Variants in ZNF763 observed in about 807,000 individuals in gnomAD.
The protein encoded by ZNF763 is zinc finger protein 763.
Under a neutral mutation model 38.0 loss-of-function variants are expected in ZNF763, and 33 were observed. The ratio of observed to expected loss-of-function variants is 0.87; its 90% CI spans 0.66 to 1.16. The LOEUF (loss-of-function observed/expected upper bound fraction) is 1.16. ZNF763 is among the 50% of genes most tolerant of loss of function. The pLI is 0.00. For missense variants in ZNF763, 423 were observed against 469.1 expected, an observed-to-expected ratio of 0.90 and a Z score of 0.91; for synonymous variants, 155 against 160.1, an observed-to-expected ratio of 0.97 and a Z score of 0.24.
intron 1 of ZNF763, among the ~76,000 whole-genome samples, chr19:11,973,167 G>A (rs564903909): frequency 3.9e-5 from 6 of 152,084 alleles, no homozygotes; most frequent in Middle Eastern, 3.4e-3. Context: ...AAAATCCCCT[G>A]TGCTCCTCCT....
At chr19:11,966,915 GA>G (rs1973242820) in intron 1 of ZNF763, among the ~76,000 whole-genome samples, 1 of 152,106 alleles carries the variant, frequency 6.6e-6, no homozygotes, top group Non-Finnish European at 1.5e-5. Flanking sequence ...TCCAAAATTG[GA>G]AGTTAAGTTC....
intron 1 of ZNF763, among the ~76,000 whole-genome samples, chr19:11,975,194 G>A (rs1435628125): frequency 2.0e-5 from 3 of 151,728 alleles, no homozygotes; most frequent in Non-Finnish European, 4.4e-5. Flanking sequence ...CGCCTCCCGG[G>A]TTCAAGCGAT....
Position 11,965,226 on chromosome 19 carries a change from C to T in ZNF763, c.3+15C>T, listed in dbSNP as rs371029725. 3 of 1,613,900 alleles carry T rather than the reference C, an allele frequency of 1.9e-6. No individual in the cohort carries two copies. In the African/African-American group the frequency reaches 4.0e-5, roughly 22 times the overall value. ...GCCAGGAAATGGTGCGTGTGCATAG[C>T]CGGTTGTCCCGAGACGGGGTAGAGG... is the stretch of plus-strand genomic sequence containing the variant. On this transcript the variant is annotated intron_variant, in intron 1 of 3. Transcript: ENST00000358987.
At position 11,976,555 on chromosome 19, in the gene ZNF763, CAA is replaced by C. The variant is rs1197877281; in HGVS notation, c.4-460_4-459del. On this transcript the variant is annotated intron_variant, in intron 1 of 3. Transcript: ENST00000358987. The stretch of plus-strand genomic sequence containing the variant: ...TGGGCAGCAGAACAAGACTCTGTCT[CAA>C]AAAAAAAAAAAAAAAAAAAAAATTG... Among the ~76,000 whole-genome samples the C allele has an allele frequency of 9.2e-3, 682 of 73,798 alleles. 4 individuals are homozygous for C. Among genetic ancestry groups the C allele is most frequent in the African/African-American group, 0.032 (656 of 20,260 alleles). 48.4% of individuals were successfully genotyped at this position (73,798 alleles called of 152,430 possible). A position where few individuals can be genotyped will look rare whatever the true frequency, so the allele number is the denominator to read the frequency against.
intron 1 of ZNF763, among the ~76,000 whole-genome samples, chr19:11,968,797 A>T (rs1461982133): frequency 6.6e-6 from 1 of 152,106 alleles, no homozygotes; most frequent in Non-Finnish European, 1.5e-5. Flanking sequence ...AGGCAGGTGG[A>T]TGGCTTGATC....
chr19:11,979,765 T>C lies in ZNF763; in HGVS notation c.*656T>C, dbSNP rs1973581340. ...GATCTGCCCCACACCTTCGAATCCA[T>C]GGTAGAACTCACACTGGAGAGAAAC... On this transcript the variant is annotated 3_prime_UTR_variant, in exon 4 of 4. Coordinates refer to ENST00000358987, the MANE Select transcript of ZNF763 (RefSeq NM_001367172.2). The C allele has an allele frequency of 6.9e-6, 11 of 1,585,378 alleles. No homozygotes were observed. The highest frequency in any genetic ancestry group is 1.4e-5 in the African/African-American group (1 of 73,956).
At chr19:11,969,410 T>TA (rs1973304865) in intron 1 of ZNF763, among the ~76,000 whole-genome samples, 1 of 152,230 alleles carries the variant, frequency 6.6e-6, no homozygotes, top group Non-Finnish European at 1.5e-5. Flanking sequence ...GGGCCTGACT[T>TA]ACTTGTTCAC....
chr19:11,978,494 C>T lies in ZNF763; in HGVS notation c.570C>T (p.Arg190=). 6 of 1,614,182 alleles carry T rather than the reference C, an allele frequency of 3.7e-6. No individual in the cohort carries two copies. Among genetic ancestry groups the T allele is most frequent in the Non-Finnish European group, 5.1e-6 (6 of 1,180,028 alleles). Reference sequence around the variant, plus strand: ...TTTCCCATTCAGGCATTCGAAGACGCATGGTAATGCACAGTGGGGATGGAC... The same window carrying T: ...TTTCCCATTCAGGCATTCGAAGACGTATGGTAATGCACAGTGGGGATGGAC... ...TFISHSGIRR[R]MVMHSGDGPY... The change falls in exon 4 of 4, where the codon CGC becomes CGT. Residue 190 remains arginine (R), a synonymous_variant. Transcript: ENST00000358987.
Position 11,977,159 on chromosome 19 carries a change from C to G in ZNF763, c.125C>G (p.Ser42Cys), listed in dbSNP as rs746140297. The G allele has an allele frequency of 1.2e-6, 2 of 1,614,054 alleles. No individual in the cohort carries two copies. The highest frequency in any genetic ancestry group is 1.7e-6 in the Non-Finnish European group (2 of 1,179,996). ...VMLETFRNLT[S>C]IGKKWKDQNI... ...CTGGAAACTTTCAGGAACCTGACCTCTATAGGTAAGGATGACAATATTCCT... is the reference window on the plus strand; with the variant it reads ...CTGGAAACTTTCAGGAACCTGACCTGTATAGGTAAGGATGACAATATTCCT... Residue 42 changes from serine to cysteine, a missense_variant, in exon 2 of 4, where the codon TCT becomes TGT. Physicochemically the swap from Ser to Cys is moderately radical, Grantham distance 112. Transcript: ENST00000358987.
In ZNF763 at chr19:11,967,703, C is replaced by T. The variant is rs1398691004; in HGVS notation, c.3+2492C>T. ...CAGGCGTGAGCCACCATGTCCGGCC[C>T]CTGTCTCTATTTTTAAAAAAAGAAA... On this transcript the variant is annotated intron_variant, in intron 1 of 3. Transcript: ENST00000358987. Among the ~76,000 whole-genome samples the T allele has an allele frequency of 2.6e-5, 4 of 152,192 alleles. No homozygotes were observed. In the South Asian group the frequency reaches 6.2e-4, roughly 24 times the overall value.
rs746758395 is a variant in ZNF763, at chr19:11,978,741, G to A, written c.817G>A (p.Ala273Thr). ...ATTCCATAGTTCCAGTTCTTTTCAA[G>A]CACATAAAAGAACCCACACTGGGGG... The part of the protein sequence containing the change: ...KAFHSSSSFQ[A>T]HKRTHTGGKP... Residue 273 changes from alanine to threonine, a missense_variant, in exon 4 of 4, where the codon GCA (alanine) becomes ACA (threonine). Ala to Thr is a moderately conservative substitution (Grantham distance 58). Coordinates refer to ENST00000358987, the MANE Select transcript of ZNF763 (RefSeq NM_001367172.2). 7 of 1,613,618 alleles carry A rather than the reference G, an allele frequency of 4.3e-6. No individual in the cohort carries two copies. Among genetic ancestry groups the A allele is most frequent in the Non-Finnish European group, 5.9e-6 (7 of 1,179,906 alleles).
chr19:11,969,987 C>T (rs911162447), intron 1 of ZNF763, among the ~76,000 whole-genome samples: 1 of 152,182 alleles, frequency 6.6e-6, no homozygotes, highest in Admixed American at 6.5e-5. Context: ...GCCATGTCTC[C>T]TGGAGGGTCT....
rs1275916766 is a variant in ZNF763 at position 11,978,166 on chromosome 19, G to A, written c.242G>A (p.Gly81Glu). Reference protein sequence around the residue: ...VNEIKEDSHCGETFTQVPDDR... With the variant: ...VNEIKEDSHCEETFTQVPDDR... ...GAAATTAAAGAAGACAGTCATTGTG[G>A]AGAAACTTTTACCCAGGTTCCAGAT... Residue 81 changes from glycine to glutamate, a missense_variant, in exon 4 of 4, where the codon GGA becomes GAA. By Grantham distance (98) the Gly-to-Glu change is moderately conservative. Transcript: ENST00000358987. 1.9e-6 allele frequency: 3 copies of A among 1,613,928 alleles called. No individual in the cohort carries two copies. Among genetic ancestry groups the A allele is most frequent in the South Asian group, 2.2e-5 (2 of 91,038 alleles).
At chr19:11,967,718 AAAAAAAG>A (rs966951735) in intron 1 of ZNF763, among the ~76,000 whole-genome samples, 1 of 152,068 alleles carries the variant, frequency 6.6e-6, no homozygotes, top group African/African-American at 2.4e-5. Context: ...CTCTATTTTT[AAAAAAAG>A]AAAAAAGAAA....
At position 11,980,112 on chromosome 19, in the gene ZNF763, G is replaced by A. The variant is rs1167679517; in HGVS notation, c.*1003G>A. 1.9e-5 allele frequency: 17 copies of A among 910,708 alleles called. No homozygotes were observed. The highest frequency in any genetic ancestry group is 8.3e-5 in the South Asian group (6 of 72,694). 56.4% of individuals were successfully genotyped at this position (910,708 alleles called of 1,614,324 possible). On this transcript the variant is annotated 3_prime_UTR_variant, in exon 4 of 4. Coordinates refer to ENST00000358987, the MANE Select transcript of ZNF763 (RefSeq NM_001367172.2). ...ACCTTCAGATCTACCTCACACCTTC[G>A]AAAACATGGTAGGACTCACACTGGA... is the stretch of plus-strand genomic sequence containing the variant.
chr19:11,979,188 C>T lies in ZNF763; in HGVS notation c.*79C>T. On this transcript the variant is annotated 3_prime_UTR_variant, in exon 4 of 4. Coordinates refer to ENST00000358987, the MANE Select transcript of ZNF763 (RefSeq NM_001367172.2). ...AAAAAACTCACACTGGAGAGAAACCCTATAAATGCATGCCATGTGGTAAAG... is the reference window on the plus strand; with the variant it reads ...AAAAAACTCACACTGGAGAGAAACCTTATAAATGCATGCCATGTGGTAAAG... 1 of 1,612,192 alleles carries T rather than the reference C, an allele frequency of 6.2e-7. No homozygotes were observed. The highest frequency in any genetic ancestry group is 1.7e-5 in the Admixed American group (1 of 59,452).
chr19:11,976,811 A>T, intron 1 of ZNF763: 3 of 1,293,426 alleles, frequency 2.3e-6, no homozygotes, highest in Non-Finnish European at 2.0e-6. Flanking sequence ...CCAAGATCGC[A>T]TCATTATACT....
chr19:11,967,155 C>T (rs1276475387), intron 1 of ZNF763, among the ~76,000 whole-genome samples: 4 of 152,042 alleles, frequency 2.6e-5, no homozygotes, highest in Admixed American at 2.6e-4. Flanking sequence ...GGCAACATAG[C>T]GAAACCTCTT....
chr19:11,974,199 T>TC (rs1315755504), intron 1 of ZNF763, among the ~76,000 whole-genome samples: 6 of 2,902 alleles, frequency 2.1e-3, no homozygotes, highest in Non-Finnish European at 4.0e-3. Flanking sequence ...TCTTTCTCTC[T>TC]TTTTTTTTGT....
Sources: allele counts gnomAD v4.1 joint callset (sites outside exome capture counted in the v4.1 genomes callset), GRCh38; gene constraint gnomAD v4.1.1; transcripts MANE v1.5; gene names NCBI Gene and HGNC (gene_info 2026-07-23, HGNC 2026-07-21).